The following ADCY3 variants were observed in gnomAD, a reference collection of about 807,000 sequenced individuals.
ADCY3 encodes the protein adenylate cyclase type 3.
A neutral mutation model predicts 119.4 loss-of-function variants in ADCY3; 70 were observed. The observed-to-expected ratio is 0.59, with a 90% CI of 0.48 to 0.72. ADCY3 has a LOEUF of 0.72. Among genes scored for constraint, ADCY3 ranks in the 30% least tolerant of loss-of-function variants. The probability of loss-of-function intolerance (pLI) is 0.00; values close to 1 mark genes in which losing one functional copy is unlikely to be tolerated. For synonymous variants in ADCY3, 672 were observed against 621.4 expected (o/e 1.08, Z -1.21); for missense variants, 1,238 against 1,541.6 (o/e 0.80, Z 3.30).
At chr2:24,881,760 G>A (rs1042897141) in intron 2 of ADCY3, among the ~76,000 whole-genome samples, 10 of 152,348 alleles carry the variant, frequency 6.6e-5, no homozygotes, top group African/African-American at 1.9e-4. Flanking sequence ...GATAAACAGA[G>A]AAGTGGTTCT....
In ADCY3 at chr2:24,820,092, A is replaced by G; in HGVS notation, c.3275T>C (p.Ile1092Thr). Residue 1092 changes from isoleucine (I) to threonine (T), a missense_variant, in exon 22 of 22, where the codon ATC becomes ACC. Physicochemically the swap from Ile to Thr is moderately conservative, Grantham distance 89. This residue lies in a region of ADCY3 where 86 missense variants were observed against 70.7 expected (regional missense o/e 1.22). Transcript: ENST00000679454. ...NIQVVEETQV[I>T]LREYGFRFVR... Reference sequence around the variant, plus strand: ...AAAGCGGAAGCCGTACTCTCGGAGGATGACTTGGGTTTCTTCTACCACCTG... The same window carrying G: ...AAAGCGGAAGCCGTACTCTCGGAGGGTGACTTGGGTTTCTTCTACCACCTG... 1.4e-6 allele frequency: 2 copies of G among 1,401,748 alleles called. No individual in the cohort carries two copies. The highest frequency in any genetic ancestry group is 1.9e-6 in the Non-Finnish European group (2 of 1,052,342). The allele number at this position is 1,401,748 out of a possible 1,614,324, so 86.8% of individuals were successfully genotyped here. A position where few individuals can be genotyped will look rare whatever the true frequency, so the allele number is the denominator to read the frequency against.
At chr2:24,832,851 G>T (rs997585551) in intron 11 of ADCY3, among the ~76,000 whole-genome samples, 1 of 152,070 alleles carries the variant, frequency 6.6e-6, no homozygotes, top group African/African-American at 2.4e-5. Flanking sequence ...CCTGATCTTT[G>T]CCTCTCCACT....
chr2:24,905,244 C>T (rs1679334657), intron 2 of ADCY3, among the ~76,000 whole-genome samples: 1 of 152,060 alleles, frequency 6.6e-6, no homozygotes, highest in African/African-American at 2.4e-5. Context: ...CACCATTCCC[C>T]TGCCTCAGCC....
rs77878802 is a variant in ADCY3 at position 24,918,616 on chromosome 2, G to C, written c.372C>G (p.Leu124=). The stretch of plus-strand genomic sequence containing the variant: ...GGTCCGGGAGCAGCCCCTTTTTGCA[G>C]AGCACGAAGAGGATGATGTCCAACA... The part of the protein sequence containing the change: ...GLVLDIILFV[L]CKKGLLPDRV... Residue 124 remains leucine, a synonymous_variant, in exon 2 of 22, where the codon CTC becomes CTG. Transcript: ENST00000679454. The surrounding 1 kb of genome is among the most constrained non-coding windows in gnomAD (Gnocchi z 5.4). 1.2e-3 allele frequency: 1,989 copies of C among 1,614,158 alleles called. 4 individuals are homozygous for C. The highest frequency in any genetic ancestry group is 1.5e-3 in the South Asian group (137 of 91,090).
At chr2:24,908,015 T>A (rs1354642648) in intron 2 of ADCY3, among the ~76,000 whole-genome samples, 3 of 144,316 alleles carry the variant, frequency 2.1e-5, no homozygotes, top group African/African-American at 7.7e-5. Flanking sequence ...AAAATAAAAA[T>A]ACAAAAATTA....
chr2:24,857,827 C>T (rs924001779), intron 3 of ADCY3, among the ~76,000 whole-genome samples: 7 of 152,074 alleles, frequency 4.6e-5, no homozygotes, highest in African/African-American at 4.8e-5. Flanking sequence ...CCTTTACCCA[C>T]GGCACTCCCT....
At chr2:24,891,017 A>G (rs1677586264) in intron 2 of ADCY3, among the ~76,000 whole-genome samples, 1 of 152,068 alleles carries the variant, frequency 6.6e-6, no homozygotes, top group Admixed American at 6.6e-5. Flanking sequence ...GATTACAGGC[A>G]TGCCACCACA....
Position 24,823,341 on chromosome 2 carries a change from C to T in ADCY3, c.2751G>A (p.Gln917=). The T allele has an allele frequency of 1.2e-6, 2 of 1,612,894 alleles. No individual in the cohort carries two copies. The highest frequency in any genetic ancestry group is 8.5e-7 in the Non-Finnish European group (1 of 1,179,656). ...SKKRDEELYS[Q]TYDEIGVMFA... is the part of the protein sequence containing the mutation. ...ACATGACTCCAATCTCATCATACGT[C>T]TGGCTATACAGCTCCTAAAAAGAGG... The change falls in exon 18 of 22, where the codon CAG becomes CAA. Residue 917 remains glutamine (Q), a synonymous_variant. Coordinates refer to ENST00000679454, the MANE Select transcript of ADCY3 (RefSeq NM_004036.5).
chr2:24,855,094 G>A (rs1416426943), intron 3 of ADCY3, among the ~76,000 whole-genome samples: 2 of 152,148 alleles, frequency 1.3e-5, no homozygotes, highest in African/African-American at 2.4e-5. Context: ...CCAGCATAAA[G>A]TAGCTGCCTG....
chr2:24,876,534 G>A (rs1675730573), intron 2 of ADCY3, among the ~76,000 whole-genome samples: 1 of 152,120 alleles, frequency 6.6e-6, no homozygotes, highest in Non-Finnish European at 1.5e-5. Context: ...TTAGCAAAAT[G>A]AATGTGCCCC....
Position 24,824,497 on chromosome 2 carries a change from C to T in ADCY3, c.2617G>A (p.Glu873Lys). 3.7e-6 allele frequency: 6 copies of T among 1,614,252 alleles called. No homozygotes were observed. The highest frequency in any genetic ancestry group is 5.1e-6 in the Non-Finnish European group (6 of 1,180,034). Residue 873 changes from glutamate (E) to lysine (K), a missense_variant, in exon 17 of 22, where the codon GAG (glutamate) becomes AAG (lysine). Physicochemically the swap from Glu to Lys is moderately conservative, Grantham distance 56. Around this residue, in one of 7 missense-constraint regions of ADCY3, gnomAD observed 499 missense variants for 571.0 expected, o/e 0.87. Transcript: ENST00000679454. Reference protein sequence around the residue: ...LARTLFLWKIEVHDQKERVYE... With the variant: ...LARTLFLWKIKVHDQKERVYE... Reference sequence around the variant, plus strand: ...ACACGTTCCTTCTGGTCGTGGACCTCAATCTTCCACAAGAAAAGTGTCCGT... The same window carrying T: ...ACACGTTCCTTCTGGTCGTGGACCTTAATCTTCCACAAGAAAAGTGTCCGT...
intron 13 of ADCY3, among the ~76,000 whole-genome samples, chr2:24,828,796 A>G (rs1388570714): frequency 6.6e-6 from 1 of 152,080 alleles, no homozygotes; most frequent in African/African-American, 2.4e-5. Context: ...ACACCTCCCT[A>G]GCTTTTTACC....
intron 2 of ADCY3, among the ~76,000 whole-genome samples, chr2:24,882,627 G>A (rs142340499): frequency 3.9e-5 from 6 of 152,152 alleles, no homozygotes; most frequent in African/African-American, 1.2e-4. Flanking sequence ...TTTTAAAGCC[G>A]AATCATGTTT....
intron 2 of ADCY3, among the ~76,000 whole-genome samples, chr2:24,913,200 C>T (rs975173522): frequency 2.6e-5 from 4 of 152,240 alleles, no homozygotes; most frequent in African/African-American, 9.6e-5. Context: ...TGAAAGCCCC[C>T]AGGCCTGCTG....
chr2:24,825,945 C>T, intron 16 of ADCY3, 100 bp downstream of exon 16: 2 of 1,157,152 alleles, frequency 1.7e-6, no homozygotes, highest in South Asian at 2.6e-5. Context: ...GAAGGGAAGC[C>T]CCATTCCTTA....
intron 2 of ADCY3, among the ~76,000 whole-genome samples, chr2:24,900,364 A>T (rs1365959414): frequency 2.6e-5 from 4 of 151,056 alleles, no homozygotes; most frequent in African/African-American, 7.3e-5. Context: ...AAAAATAAAT[A>T]AAAAATTTTT....
Position 24,837,013 on chromosome 2 carries a change from C to A in ADCY3, c.1566G>T (p.Lys522Asn). 18 of 1,614,036 alleles carry A rather than the reference C, an allele frequency of 1.1e-5. No individual in the cohort carries two copies. The highest frequency in any genetic ancestry group is 1.5e-5 in the Non-Finnish European group (18 of 1,180,020). Residue 522 changes from lysine to asparagine, a missense_variant, in exon 9 of 22, where the codon AAG becomes AAT. Lys to Asn is a moderately conservative substitution (Grantham distance 94). Transcript: ENST00000679454. Reference sequence around the variant, plus strand: ...TCTCAATGAGGGCAGGGGAGCTGGACTTTGAGGAAGCTGGTGCTCCATTGG... The same window carrying A: ...TCTCAATGAGGGCAGGGGAGCTGGAATTTGAGGAAGCTGGTGCTCCATTGG... The part of the protein sequence containing the change: ...ALPNGAPASS[K>N]SSSPALIETK...
chr2:24,841,332 C>T lies in ADCY3; in HGVS notation c.1123G>A (p.Gly375Ser), dbSNP rs1306803915. 1.3e-5 allele frequency: 21 copies of T among 1,598,628 alleles called. No homozygotes were observed. The highest frequency in any genetic ancestry group is 4.0e-5 in the African/African-American group (3 of 74,778). ...ILGDCYYCIC[G>S]LPDYREDHAV... ...TGGTCCTCCCGGTAGTCGGGCAAGC[C>T]GCAGATGCAGTAGTAGCAGTCGCCC... Residue 375 changes from glycine to serine, a missense_variant, in exon 6 of 22, where the codon GGC becomes AGC. By Grantham distance (56) the Gly-to-Ser change is moderately conservative (BLOSUM62 0). Coordinates refer to ENST00000679454, the MANE Select transcript of ADCY3 (RefSeq NM_004036.5). The surrounding 1 kb of genome is among the most constrained non-coding windows in gnomAD (Gnocchi z 5.8).
At chr2:24,876,101 T>A (rs948314858) in intron 2 of ADCY3, among the ~76,000 whole-genome samples, 3 of 151,988 alleles carry the variant, frequency 2.0e-5, no homozygotes, top group African/African-American at 7.3e-5. Flanking sequence ...CAAGCGAACC[T>A]CCCACCTCAG....
Sources: gnomAD v4.1 joint callset for allele counts (sites outside exome capture counted in the v4.1 genomes callset) on GRCh38, gnomAD v4.1.1 for gene constraint, gnomAD v4.1.1 regional missense constraint, Gnocchi (gnomAD v3.1) non-coding constraint, MANE v1.5 for transcripts, NCBI Gene and HGNC (gene_info 2026-07-23, HGNC 2026-07-21) for gene names.